The following IPMK variants were observed in gnomAD, a reference collection of about 807,000 sequenced individuals.
IPMK encodes inositol 1,3,4,6-tetrakisphosphate 5-kinase.
A neutral mutation model predicts 45.8 loss-of-function variants in IPMK; 17 were observed. The ratio of observed to expected loss-of-function variants is 0.37; its 90% CI spans 0.25 to 0.56. The LOEUF (loss-of-function observed/expected upper bound fraction) is 0.56. Ranked by LOEUF, IPMK falls within the 20% of genes least tolerant of loss-of-function variation. The pLI, the probability that IPMK is intolerant of heterozygous loss-of-function variation, is 0.79. For synonymous variants in IPMK, 180 were observed against 184.3 expected (o/e 0.98, Z 0.19); for missense variants, 399 against 498.0 (o/e 0.80, Z 1.89).
rs544233075 is a variant in IPMK, at chr10:58,192,681, A to G, written c.*3395T>C. 5 of 152,042 alleles carry G rather than the reference A, an allele frequency of 3.3e-5. No individual in the cohort carries two copies. Among genetic ancestry groups the G allele is most frequent in the Non-Finnish European group, 7.4e-5 (5 of 67,922 alleles). The allele number at this position is 152,042 out of a possible 1,614,324, so 9.4% of individuals were successfully genotyped here. On this transcript the variant is annotated 3_prime_UTR_variant, in exon 6 of 6. Transcript: ENST00000373935. ...ACTGGGGGCTAAAAATGCTTAATAC[A>G]TGGCATAAATCCAAGGAATATTTTT... is the stretch of plus-strand genomic sequence containing the variant.
intron 2 of IPMK, among the ~76,000 whole-genome samples, chr10:58,229,275 G>A (rs549211085): frequency 6.6e-6 from 1 of 151,950 alleles, no homozygotes; most frequent in Non-Finnish European, 1.5e-5. Flanking sequence ...AATAATCTAG[G>A]CCAGGCATGG....
intron 1 of IPMK, among the ~76,000 whole-genome samples, chr10:58,241,253 G>A (rs1427444564): frequency 6.6e-6 from 1 of 152,146 alleles, no homozygotes. Flanking sequence ...TAGGATCACA[G>A]AGCCTACCTA....
At position 58,197,372 on chromosome 10, in the gene IPMK, C is replaced by T. The variant is rs185452188; in HGVS notation, c.629-674G>A. 8.7e-3 allele frequency among the ~76,000 whole-genome samples: 900 copies of T among 103,150 alleles called. 16 individuals carry two copies. The highest frequency in any genetic ancestry group is 0.043 in the African/African-American group (840 of 19,450). 67.7% of individuals were successfully genotyped at this position (103,150 alleles called of 152,430 possible). A position where few individuals can be genotyped will look rare whatever the true frequency, so the allele number is the denominator to read the frequency against. ...ATAAATAAAAAATAGGATTCCAGGCCGGGTGCGGTGGCTCACGCCTGTAAT... is the reference window on the plus strand; with the variant it reads ...ATAAATAAAAAATAGGATTCCAGGCTGGGTGCGGTGGCTCACGCCTGTAAT... On this transcript the variant is annotated intron_variant, in intron 5 of 5. Coordinates refer to ENST00000373935, the MANE Select transcript of IPMK (RefSeq NM_152230.5).
chr10:58,258,287 CGACG>C (rs1839003661), intron 1 of IPMK, among the ~76,000 whole-genome samples: 1 of 150,636 alleles, frequency 6.6e-6, no homozygotes, highest in South Asian at 2.1e-4. Context: ...TCCAGCCTGG[CGACG>C]GAGCGAGATT....
chr10:58,196,826 T>C (rs926828519), intron 5 of IPMK, 128 bp from the exon 6 acceptor site: 4 of 682,086 alleles, frequency 5.9e-6, no homozygotes, highest in African/African-American at 5.5e-5. Flanking sequence ...CAGTTAATCC[T>C]AGAATTCTAA....
chr10:58,212,736 T>C (rs1588955119), intron 4 of IPMK: 2 of 233,904 alleles, frequency 8.6e-6, no homozygotes, highest in African/African-American at 4.7e-5. Context: ...CAAGTTTGCC[T>C]TTGATTGTTT....
At chr10:58,235,447 A>C (rs1245649529) in intron 2 of IPMK, among the ~76,000 whole-genome samples, 2 of 152,232 alleles carry the variant, frequency 1.3e-5, no homozygotes, top group Non-Finnish European at 2.9e-5. Flanking sequence ...CTGGATTAAG[A>C]AAATGTGGCC....
chr10:58,215,924 C>T (rs1047789476), intron 4 of IPMK, among the ~76,000 whole-genome samples: 2 of 152,026 alleles, frequency 1.3e-5, no homozygotes, highest in Non-Finnish European at 2.9e-5. Flanking sequence ...TTATCAATCA[C>T]CCTACTATGT....
chr10:58,199,259 T>A lies in IPMK; in HGVS notation c.609A>T (p.Thr203=), dbSNP rs1299481990. Residue 203 remains threonine, a synonymous_variant, in exon 5 of 6, where the codon ACA becomes ACT. Transcript: ENST00000373935. The part of the protein sequence containing the change: ...TENQHYGRSL[T]KETIKDGVSR... ...CCTTACCATCCTTTATAGTTTCTTT[T>A]GTTAAGCTTCTTCCGTAATGCTGGT... 2.5e-6 allele frequency: 4 copies of A among 1,606,526 alleles called. No homozygotes were observed. In the African/African-American group the frequency reaches 5.4e-5, roughly 21 times the overall value.
chr10:58,259,439 T>G (rs926253618), intron 1 of IPMK, among the ~76,000 whole-genome samples: 1 of 150,198 alleles, frequency 6.7e-6, no homozygotes, highest in Non-Finnish European at 1.5e-5. Flanking sequence ...TCCACTGAAA[T>G]TTGAAAAAAA....
rs530686710 is a variant in IPMK, at chr10:58,251,974, CACT to C, written c.191-14163_191-14161del. 2.2e-4 allele frequency among the ~76,000 whole-genome samples: 33 copies of C among 152,350 alleles called. No homozygotes were observed. In the South Asian group the frequency reaches 6.8e-3, roughly 32 times the overall value. ...TTAACTGGGGAATGTAATACATTTA[CACT>C]CAAGGTATGATAGGTAAGGGTTTAC... On this transcript the variant is annotated intron_variant, in intron 1 of 5. Transcript: ENST00000373935.
rs1313761338 is a variant in IPMK at position 58,246,640 on chromosome 10, T to C, written c.191-8826A>G. On this transcript the variant is annotated intron_variant, in intron 1 of 5. Coordinates refer to ENST00000373935, the MANE Select transcript of IPMK (RefSeq NM_152230.5). Reference sequence around the variant, plus strand: ...AACTGGATCCCTTCTTTACACCTTATACAAAAATCAATTCAAGATGGATTA... The same window carrying C: ...AACTGGATCCCTTCTTTACACCTTACACAAAAATCAATTCAAGATGGATTA... Among the ~76,000 whole-genome samples the C allele has an allele frequency of 7.7e-5, 11 of 142,882 alleles. No homozygotes were observed. In the South Asian group the frequency reaches 2.4e-3, roughly 32 times the overall value. The allele number at this position is 142,882 out of a possible 152,430, so 93.7% of individuals were successfully genotyped here.
In IPMK at chr10:58,248,168, T is replaced by G. The variant is rs1356189791; in HGVS notation, c.191-10354A>C. Reference sequence around the variant, plus strand: ...GTTTATACTTCACTTCAGTCTATTTTATGTGATAATAAAGTATATTATTAT... The same window carrying G: ...GTTTATACTTCACTTCAGTCTATTTGATGTGATAATAAAGTATATTATTAT... On this transcript the variant is annotated intron_variant, in intron 1 of 5. Coordinates refer to ENST00000373935, the MANE Select transcript of IPMK (RefSeq NM_152230.5). Among the ~76,000 whole-genome samples, 3 of 152,100 alleles carry G rather than the reference T, an allele frequency of 2.0e-5. No homozygotes were observed. In the East Asian group the frequency reaches 5.8e-4, roughly 29 times the overall value.
chr10:58,232,164 GCACCCAGATT>G (rs1462349978), intron 2 of IPMK, among the ~76,000 whole-genome samples: 1 of 152,176 alleles, frequency 6.6e-6, no homozygotes, highest in Non-Finnish European at 1.5e-5. Flanking sequence ...CAATACAGGA[GCACCCAGATT>G]CATAAGGCAA....
rs1401427686 is a variant in IPMK, at chr10:58,259,658, T to A, written c.190+7764A>T. On this transcript the variant is annotated intron_variant, in intron 1 of 5. Transcript: ENST00000373935. ...GACCAGCCTGGCCAGCATGGTAAAA[T>A]CCCATCTCTACATAAAAAAAAAAAA... 4.3e-5 allele frequency among the ~76,000 whole-genome samples: 3 copies of A among 69,710 alleles called. 1 individual carries two copies. In the South Asian group the frequency reaches 1.3e-3, roughly 30 times the overall value. The allele number at this position is 69,710 out of a possible 152,430, so 45.7% of individuals were successfully genotyped here. A position where few individuals can be genotyped will look rare whatever the true frequency, so the allele number is the denominator to read the frequency against.
At chr10:58,203,888 T>C (rs1838033149) in intron 4 of IPMK, among the ~76,000 whole-genome samples, 1 of 152,202 alleles carries the variant, frequency 6.6e-6, no homozygotes, top group Non-Finnish European at 1.5e-5. Context: ...CATTGCTGTC[T>C]TATTTTAAGA....
intron 4 of IPMK, among the ~76,000 whole-genome samples, chr10:58,202,049 C>G (rs1296834795): frequency 6.6e-6 from 1 of 152,126 alleles, no homozygotes; most frequent in African/African-American, 2.4e-5. Flanking sequence ...TAGACCCTAG[C>G]AGAAGTTTAT....
Position 58,240,705 on chromosome 10 carries a change from C to T in IPMK, c.191-2891G>A, listed in dbSNP as rs187928280. ...TGAGAGCACTGACTCACCCATGGAG[C>T]GGAATGGGAAGGTGGGGTTACCTTA... On this transcript the variant is annotated intron_variant, in intron 1 of 5. Transcript: ENST00000373935. Among the ~76,000 whole-genome samples the T allele has an allele frequency of 1.4e-3, 203 of 148,974 alleles. 1 individual carries two copies. The highest frequency in any genetic ancestry group is 2.5e-3 in the Non-Finnish European group (168 of 67,588).
intron 4 of IPMK, among the ~76,000 whole-genome samples, chr10:58,203,505 G>A (rs1427452633): frequency 1.3e-5 from 2 of 151,944 alleles, no homozygotes; most frequent in Admixed American, 6.6e-5. Flanking sequence ...TTTTGTAGAC[G>A]GGGTTTCACC....
Sources: allele counts gnomAD v4.1 joint callset (sites outside exome capture counted in the v4.1 genomes callset), GRCh38; gene constraint gnomAD v4.1.1; transcripts MANE v1.5; gene names NCBI Gene and HGNC (gene_info 2026-07-23, HGNC 2026-07-21).